The following EPB41L2 variants were observed in gnomAD, a reference collection of about 807,000 sequenced individuals.
EPB41L2 encodes band 4.1-like protein 2.
Under a neutral mutation model 113.0 loss-of-function variants are expected in EPB41L2, and 43 were observed. The ratio of observed to expected loss-of-function variants is 0.38; its 90% CI spans 0.30 to 0.49. EPB41L2 has a LOEUF of 0.49. EPB41L2 is among the 20% of genes least tolerant of loss of function. EPB41L2 has a pLI of 0.95. For synonymous variants in EPB41L2, 442 were observed against 436.7 expected (o/e 1.01, Z -0.15); for missense variants, 1,147 against 1,223.4 (o/e 0.94, Z 0.93).
intron 1 of EPB41L2, among the ~76,000 whole-genome samples, chr6:131,048,485 A>G (rs1795924166): frequency 6.6e-6 from 1 of 152,210 alleles, no homozygotes; most frequent in Non-Finnish European, 1.5e-5. Context: ...ATTTTCTGTT[A>G]TTCCACAAAA....
chr6:130,880,458 TC>T, intron 12 of EPB41L2: 1 of 653,922 alleles, frequency 1.5e-6, no homozygotes, highest in Non-Finnish European at 2.7e-6. Context: ...AGCCACCTCT[TC>T]CAGCTGCGTT....
intron 1 of EPB41L2, among the ~76,000 whole-genome samples, chr6:131,002,302 G>A (rs933042657): frequency 1.3e-5 from 2 of 152,256 alleles, no homozygotes; most frequent in South Asian, 2.1e-4. Context: ...TACTGAGAAC[G>A]TACAAGGCCC....
chr6:130,930,282 G>A (rs912423928), intron 3 of EPB41L2, among the ~76,000 whole-genome samples: 1 of 152,016 alleles, frequency 6.6e-6, no homozygotes, highest in Non-Finnish European at 1.5e-5. Flanking sequence ...CAGAATTTTT[G>A]TTTTAAAGAC....
chr6:130,930,677 C>G (rs1583573024), intron 3 of EPB41L2, among the ~76,000 whole-genome samples: 1 of 152,054 alleles, frequency 6.6e-6, no homozygotes, highest in Non-Finnish European at 1.5e-5. Context: ...GCAAGAAATT[C>G]TCATAGACAA....
chr6:130,936,721 T>C (rs1207711238), intron 3 of EPB41L2, among the ~76,000 whole-genome samples: 2 of 152,094 alleles, frequency 1.3e-5, no homozygotes, highest in Admixed American at 6.6e-5. Context: ...ACAATTAGAG[T>C]TAATATTTAT....
chr6:131,008,768 T>A (rs1415599939), intron 1 of EPB41L2, among the ~76,000 whole-genome samples: 1 of 152,212 alleles, frequency 6.6e-6, no homozygotes, highest in Non-Finnish European at 1.5e-5. Flanking sequence ...ACTTTAAAGT[T>A]TAATTACTGC....
rs913057471 is a variant in EPB41L2 at position 130,992,655 on chromosome 6, A to G, written c.-14-36156T>C. Among the ~76,000 whole-genome samples the G allele has an allele frequency of 5.4e-5, 8 of 149,178 alleles. 1 individual carries two copies. The highest frequency in any genetic ancestry group is 1.2e-4 in the Non-Finnish European group (8 of 67,686). On this transcript the variant is annotated intron_variant, in intron 1 of 19. Transcript: ENST00000337057. ...CAAATTCTTTTTTTTTTTTTGAGAC[A>G]GAGCCTCGCTCAGTCGCCAGGCTGG...
At chr6:130,862,937 T>C (rs560720723) in intron 18 of EPB41L2, among the ~76,000 whole-genome samples, 7 of 152,346 alleles carry the variant, frequency 4.6e-5, no homozygotes, top group African/African-American at 1.4e-4. Context: ...GGAAAACAGC[T>C]TGGTCTCCTT....
At chr6:130,989,018 G>T (rs533685111) in intron 1 of EPB41L2, among the ~76,000 whole-genome samples, 2 of 152,304 alleles carry the variant, frequency 1.3e-5, no homozygotes, top group East Asian at 3.9e-4. Flanking sequence ...GAACCCAGGA[G>T]GCAGAGGTTG....
chr6:130,853,626 T>C (rs1582670738), intron 19 of EPB41L2, among the ~76,000 whole-genome samples: 1 of 152,304 alleles, frequency 6.6e-6, no homozygotes, highest in East Asian at 1.9e-4. Context: ...TGCCATCCAC[T>C]GAGAAAGGTG....
At chr6:130,980,357 G>A (rs1379471344) in intron 1 of EPB41L2, among the ~76,000 whole-genome samples, 5 of 152,154 alleles carry the variant, frequency 3.3e-5, no homozygotes, top group African/African-American at 1.2e-4. Flanking sequence ...AGATAGAGAG[G>A]AGAGGTTCAA....
intron 1 of EPB41L2, among the ~76,000 whole-genome samples, chr6:130,972,470 C>T (rs1245316651): frequency 6.7e-6 from 1 of 149,368 alleles, no homozygotes; most frequent in Non-Finnish European, 1.5e-5. Flanking sequence ...TTCAGCTCAG[C>T]ACAATCTGAG....
At chr6:131,014,706 C>A (rs1189333198) in intron 1 of EPB41L2, among the ~76,000 whole-genome samples, 1 of 152,170 alleles carries the variant, frequency 6.6e-6, no homozygotes, top group Non-Finnish European at 1.5e-5. Context: ...ACCCCATACA[C>A]AAAAACAATA....
chr6:130,971,855 C>T (rs894368301), intron 1 of EPB41L2, among the ~76,000 whole-genome samples: 4 of 152,122 alleles, frequency 2.6e-5, no homozygotes, highest in African/African-American at 9.7e-5. Context: ...ATATATCATC[C>T]ATATTTCAAC....
chr6:130,952,588 G>A (rs1235145436), intron 3 of EPB41L2, among the ~76,000 whole-genome samples: 3 of 152,098 alleles, frequency 2.0e-5, no homozygotes, highest in Admixed American at 6.5e-5. Flanking sequence ...GCCAAGGTGG[G>A]CGGATCACGA....
intron 3 of EPB41L2, among the ~76,000 whole-genome samples, chr6:130,950,866 C>T (rs1052928706): frequency 1.6e-4 from 25 of 151,988 alleles, no homozygotes; most frequent in African/African-American, 6.0e-4. Context: ...ACAACATTAG[C>T]GGGTTAGAAA....
intron 1 of EPB41L2, among the ~76,000 whole-genome samples, chr6:130,982,302 A>G (rs959202823): frequency 6.6e-6 from 1 of 152,150 alleles, no homozygotes; most frequent in Admixed American, 6.5e-5. Context: ...GTTTATTTCT[A>G]TTATGGCTTC....
chr6:130,947,435 A>G (rs1239338135), intron 3 of EPB41L2, among the ~76,000 whole-genome samples: 1 of 152,248 alleles, frequency 6.6e-6, no homozygotes, highest in Non-Finnish European at 1.5e-5. Flanking sequence ...CTGAAGAGCC[A>G]TAAAGAAATA....
chr6:130,938,413 G>A (rs1229855061), intron 3 of EPB41L2, among the ~76,000 whole-genome samples: 1 of 152,230 alleles, frequency 6.6e-6, no homozygotes, highest in Admixed American at 6.5e-5. Flanking sequence ...CACCACTGGA[G>A]TGTGGAGGGA....
Sources: gnomAD v4.1 joint callset for allele counts (sites outside exome capture counted in the v4.1 genomes callset) on GRCh38, gnomAD v4.1.1 for gene constraint, MANE v1.5 for transcripts, NCBI Gene and HGNC (gene_info 2026-07-23, HGNC 2026-07-21) for gene names.